MXI1: variants seen among roughly 807,000 people sequenced by gnomAD.
MXI1 encodes MAX interactor 1, dimerization protein.
In MXI1, 18 loss-of-function variants were observed where a neutral mutation model predicts 36.9. The observed-to-expected ratio is 0.49, with a 90% CI of 0.34 to 0.72. The LOEUF is 0.72. Ranked by LOEUF, MXI1 falls within the 30% of genes least tolerant of loss-of-function variation. The pLI is 0.01. For synonymous variants in MXI1, 160 were observed against 146.7 expected, an observed-to-expected ratio of 1.09 and a Z score of -0.65; for missense variants, 304 against 379.1, an observed-to-expected ratio of 0.80 and a Z score of 1.64.
At chr10:110,220,579 T>TG (rs1270087548) in intron 1 of MXI1, among the ~76,000 whole-genome samples, 1 of 151,538 alleles carries the variant, frequency 6.6e-6, no homozygotes, top group Non-Finnish European at 1.5e-5. Context: ...TGCCAAGGGG[T>TG]GGGGGCAGGG....
intron 3 of MXI1, among the ~76,000 whole-genome samples, chr10:110,245,485 C>G (rs1484510980): frequency 6.6e-6 from 1 of 152,088 alleles, no homozygotes; most frequent in African/African-American, 2.4e-5. Flanking sequence ...TAGAAGGTCA[C>G]CTGATACCTT....
intron 2 of MXI1, among the ~76,000 whole-genome samples, chr10:110,238,722 T>C (rs1027381182): frequency 2.6e-5 from 4 of 152,196 alleles, no homozygotes; most frequent in African/African-American, 4.8e-5. Context: ...TTAAAAATTA[T>C]TATTTTAATC....
chr10:110,253,438 C>T (rs1445684789), intron 3 of MXI1, among the ~76,000 whole-genome samples: 1 of 151,998 alleles, frequency 6.6e-6, no homozygotes, highest in African/African-American at 2.4e-5. Context: ...GCAGGAAGAA[C>T]ATATCTGAAA....
At chr10:110,244,683 C>G (rs921838327) in intron 2 of MXI1, 145 bp from the exon 3 acceptor site, 2 of 600,448 alleles carry the variant, frequency 3.3e-6, no homozygotes, top group African/African-American at 1.9e-5. Context: ...ACTATTTCCT[C>G]TCGATGAGTG....
chr10:110,214,809 T>C (rs1408972262), intron 1 of MXI1, among the ~76,000 whole-genome samples: 1 of 151,298 alleles, frequency 6.6e-6, no homozygotes, highest in Non-Finnish European at 1.5e-5. Flanking sequence ...ATGTCCTGTT[T>C]TGGGGAGATG....
At chr10:110,277,872 C>T (rs1162877320) in intron 3 of MXI1, among the ~76,000 whole-genome samples, 1 of 152,196 alleles carries the variant, frequency 6.6e-6, no homozygotes, top group African/African-American at 2.4e-5. Flanking sequence ...CCTTCTCCTA[C>T]CTCTCTTTTC....
Position 110,211,209 on chromosome 10 carries a change from C to G in MXI1, c.274+3127C>G, listed in dbSNP as rs777185052. ...GGTTTCTCCGCCTTCTCCTCCTCCC[C>G]CTCCCAGCTAGAGACACATGGTTTC... On this transcript the variant is annotated intron_variant, in intron 1 of 5. Transcript: ENST00000332674. Among the ~76,000 whole-genome samples, 9 of 152,238 alleles carry G rather than the reference C, an allele frequency of 5.9e-5. No individual in the cohort carries two copies. In the South Asian group the frequency reaches 1.2e-3, roughly 21 times the overall value.
chr10:110,221,297 G>A (rs1854801550), intron 1 of MXI1, among the ~76,000 whole-genome samples: 1 of 152,220 alleles, frequency 6.6e-6, no homozygotes, highest in Non-Finnish European at 1.5e-5. Flanking sequence ...ATACCTCTCT[G>A]AGCCTCAGCT....
At position 110,285,037 on chromosome 10, in the gene MXI1, C is replaced by A; in HGVS notation, c.*50C>A. On this transcript the variant is annotated 3_prime_UTR_variant, in exon 6 of 6. Coordinates refer to ENST00000332674, the MANE Select transcript of MXI1 (RefSeq NM_130439.3). ...GGGCAAAATATTCACTGGGCCAATT[C>A]AATACAAACAATCTCTTAAATTGGG... The A allele has an allele frequency of 6.6e-7, 1 of 1,506,056 alleles. No homozygotes were observed. The highest frequency in any genetic ancestry group is 8.9e-7 in the Non-Finnish European group (1 of 1,118,124). 93.3% of individuals were successfully genotyped at this position (1,506,056 alleles called of 1,614,324 possible). A position where few individuals can be genotyped will look rare whatever the true frequency, so the allele number is the denominator to read the frequency against.
chr10:110,217,325 T>C (rs777549536), intron 1 of MXI1, among the ~76,000 whole-genome samples: 1 of 152,236 alleles, frequency 6.6e-6, no homozygotes, highest in Non-Finnish European at 1.5e-5. Context: ...TACCTACTAT[T>C]TGAAATTTCT....
At chr10:110,211,462 C>T (rs778793095) in intron 1 of MXI1, among the ~76,000 whole-genome samples, 1 of 152,198 alleles carries the variant, frequency 6.6e-6, no homozygotes, top group South Asian at 2.1e-4. Context: ...TGTCGGGCCC[C>T]GATTCTCCAT....
In MXI1 at chr10:110,236,132, T is replaced by G. The variant is rs1855464098; in HGVS notation, c.407+7811T>G. Among the ~76,000 whole-genome samples, 6 of 75,758 alleles carry G rather than the reference T, an allele frequency of 7.9e-5. No individual in the cohort carries two copies. In the East Asian group the frequency reaches 1.6e-3, roughly 21 times the overall value. The allele number at this position is 75,758 out of a possible 152,430, so 49.7% of individuals were successfully genotyped here. The stretch of plus-strand genomic sequence containing the variant: ...AAGTAAAGGTTGAAGTTCTTTTTTT[T>G]TTTTTTTTTTTTTTTTTTTTTTTTT... On this transcript the variant is annotated intron_variant, in intron 2 of 5. Coordinates refer to ENST00000332674, the MANE Select transcript of MXI1 (RefSeq NM_130439.3).
At chr10:110,238,464 T>C (rs1855547700) in intron 2 of MXI1, among the ~76,000 whole-genome samples, 1 of 152,200 alleles carries the variant, frequency 6.6e-6, no homozygotes, top group African/African-American at 2.4e-5. Context: ...TGGCAAAATT[T>C]TGTTAGAATT....
intron 1 of MXI1, among the ~76,000 whole-genome samples, chr10:110,211,521 G>T (rs962899558): frequency 6.6e-6 from 1 of 152,248 alleles, no homozygotes; most frequent in Admixed American, 6.5e-5. Flanking sequence ...CCCTGGTCAC[G>T]AGTTAACACG....
At chr10:110,261,070 T>TA in intron 3 of MXI1, 1 of 985,108 alleles carries the variant, frequency 1.0e-6, no homozygotes, top group Non-Finnish European at 1.2e-6. Flanking sequence ...ACACTGCTCT[T>TA]ACACAAAACA....
At chr10:110,228,094 C>T in intron 1 of MXI1, 95 bp from the exon 2 acceptor site, 1 of 1,430,906 alleles carries the variant, frequency 7.0e-7, no homozygotes, top group Non-Finnish European at 9.7e-7. Context: ...TTCCTGCTTT[C>T]AAAAACCTGT....
chr10:110,244,936 G>C (rs1024908336), intron 3 of MXI1, 79 bp downstream of exon 3: 1 of 1,372,776 alleles, frequency 7.3e-7, no homozygotes, highest in Non-Finnish European at 1.0e-6. Context: ...TAATGTAATA[G>C]TGCATATGTA....
At chr10:110,272,952 CTGTT>C (rs1367157923) in intron 3 of MXI1, among the ~76,000 whole-genome samples, 3 of 149,118 alleles carry the variant, frequency 2.0e-5, no homozygotes, top group Non-Finnish European at 4.4e-5. Context: ...AGTTAACAGT[CTGTT>C]TATTTTCTGT....
intron 3 of MXI1, among the ~76,000 whole-genome samples, chr10:110,253,624 G>A (rs925652503): frequency 1.3e-5 from 2 of 151,998 alleles, no homozygotes; most frequent in Non-Finnish European, 2.9e-5. Context: ...TACTTAAAGG[G>A]TATTTGCTTG....
Sources: allele counts gnomAD v4.1 joint callset (sites outside exome capture counted in the v4.1 genomes callset), GRCh38; gene constraint gnomAD v4.1.1; transcripts MANE v1.5; gene names NCBI Gene and HGNC (gene_info 2026-07-23, HGNC 2026-07-21).